NRCAM: variants seen among roughly 807,000 people sequenced by gnomAD.
NRCAM encodes neuronal cell adhesion molecule.
NRCAM carries 83 observed loss-of-function variants against 156.5 expected under a neutral mutation model. The observed-to-expected ratio is 0.53, with a 90% CI of 0.44 to 0.64. NRCAM has a LOEUF of 0.64. Ranked by LOEUF, NRCAM falls within the 30% of genes least tolerant of loss-of-function variation. The probability of loss-of-function intolerance (pLI) is 0.00; values close to 1 mark genes in which losing one functional copy is unlikely to be tolerated. For missense variants in NRCAM, 1,417 were observed against 1,597.3 expected (o/e 0.89, Z 1.92); for synonymous variants, 538 against 563.9 (o/e 0.95, Z 0.65).
intron 14 of NRCAM, among the ~76,000 whole-genome samples, chr7:108,197,366 T>A (rs1161304364): frequency 2.6e-5 from 4 of 152,204 alleles, no homozygotes; most frequent in Admixed American, 2.6e-4. Flanking sequence ...GGCTGAAGTA[T>A]AATTCCCAGG....
At chr7:108,186,595 G>A (rs1422737366) in intron 20 of NRCAM, among the ~76,000 whole-genome samples, 4 of 151,914 alleles carry the variant, frequency 2.6e-5, no homozygotes, top group South Asian at 2.1e-4. Context: ...AAACTTTCTC[G>A]GTTCATGGTG....
intron 28 of NRCAM, among the ~76,000 whole-genome samples, chr7:108,174,812 G>C (rs1223252895): frequency 6.6e-6 from 1 of 152,238 alleles, no homozygotes; most frequent in Non-Finnish European, 1.5e-5. Flanking sequence ...GGGAGACTTA[G>C]TCCCAAACCA....
At chr7:108,195,588 C>T (rs969646766) in intron 15 of NRCAM, among the ~76,000 whole-genome samples, 173 bp downstream of exon 15, 5 of 151,720 alleles carry the variant, frequency 3.3e-5, no homozygotes, top group African/African-American at 1.2e-4. Context: ...TGCACTCCAG[C>T]CTGGGTAATG....
At chr7:108,245,870 A>C (rs1478756395) in intron 3 of NRCAM, among the ~76,000 whole-genome samples, 1 of 152,230 alleles carries the variant, frequency 6.6e-6, no homozygotes, top group Non-Finnish European at 1.5e-5. Flanking sequence ...TTTACTTAGC[A>C]CAGCAGTAAC....
chr7:108,238,884 T>C lies in NRCAM; in HGVS notation c.106+1075A>G, dbSNP rs114004976. On this transcript the variant is annotated intron_variant, in intron 4 of 32. Transcript: ENST00000379028. ...AGTGTGGGACAAACCACATCTCTTC[T>C]TAATGTCTTCCCACTGGCAGTTGCA... Among the ~76,000 whole-genome samples the C allele has an allele frequency of 4.7e-3, 708 of 152,118 alleles. 10 individuals are homozygous for C. The highest frequency in any genetic ancestry group is 0.016 in the African/African-American group (681 of 41,522).
intron 2 of NRCAM, among the ~76,000 whole-genome samples, chr7:108,390,057 A>C (rs2099754592): frequency 6.6e-6 from 1 of 152,184 alleles, no homozygotes; most frequent in South Asian, 2.1e-4. Context: ...TATCAGGATG[A>C]TGCTGGCCTC....
chr7:108,353,170 C>T (rs2154297251), intron 2 of NRCAM, among the ~76,000 whole-genome samples: 2 of 152,230 alleles, frequency 1.3e-5, no homozygotes, highest in South Asian at 4.1e-4. Context: ...TAACAACCTC[C>T]TAGCTGCTTC....
intron 11 of NRCAM, among the ~76,000 whole-genome samples, chr7:108,214,289 A>T (rs150329883): frequency 0.035 from 5,269 of 152,238 alleles, 133 homozygotes; most frequent in Middle Eastern, 0.054. Context: ...TTATTGGTCT[A>T]TTCAGGGATT....
At chr7:108,159,237 C>T (rs768669600) in intron 32 of NRCAM, 15 of 692,892 alleles carry the variant, frequency 2.2e-5, no homozygotes, top group South Asian at 1.4e-4. Context: ...AAGTGGGAGA[C>T]ATTCCATCTC....
At chr7:108,191,453 A>C (rs921669114) in intron 18 of NRCAM, among the ~76,000 whole-genome samples, 170 bp from the exon 19 acceptor site, 14 of 152,186 alleles carry the variant, frequency 9.2e-5, no homozygotes, top group East Asian at 1.9e-4. Flanking sequence ...AGGAAAAAAA[A>C]CCTTCAATTT....
chr7:108,424,394 C>T (rs1024641351), intron 1 of NRCAM, among the ~76,000 whole-genome samples: 1 of 152,274 alleles, frequency 6.6e-6, no homozygotes, highest in Middle Eastern at 3.4e-3. Context: ...GAAGGGAAGT[C>T]GGTCAGAGGT....
intron 3 of NRCAM, among the ~76,000 whole-genome samples, chr7:108,283,705 T>C (rs1014228520): frequency 2.6e-5 from 4 of 152,204 alleles, no homozygotes; most frequent in Admixed American, 2.6e-4. Context: ...GTTGACCCCT[T>C]GCTACCTTCT....
At chr7:108,427,511 C>G (rs1818863747) in intron 1 of NRCAM, among the ~76,000 whole-genome samples, 1 of 152,162 alleles carries the variant, frequency 6.6e-6, no homozygotes, top group Non-Finnish European at 1.5e-5. Context: ...ACAATTTATT[C>G]TCTCCAATGG....
At position 108,256,791 on chromosome 7, in the gene NRCAM, G is replaced by A. The variant is rs118056460; in HGVS notation, c.-106-16621C>T. ...AGCACCTTGGGAGGCCAAGGCGGGC[G>A]GATTACTTGAGATCAGGAGTTTGAG... On this transcript the variant is annotated intron_variant, in intron 3 of 32. Transcript: ENST00000379028. 8.2e-3 allele frequency among the ~76,000 whole-genome samples: 1,251 copies of A among 152,152 alleles called. 9 individuals carry two copies. The highest frequency in any genetic ancestry group is 0.013 in the Non-Finnish European group (894 of 68,000).
intron 32 of NRCAM, among the ~76,000 whole-genome samples, chr7:108,152,358 C>T (rs1329976880): frequency 1.3e-5 from 2 of 151,312 alleles, no homozygotes; most frequent in South Asian, 4.2e-4. Context: ...ATAAATGTCT[C>T]GGGGTGAGGG....
At chr7:108,297,313 T>C (rs1399914334) in intron 3 of NRCAM, among the ~76,000 whole-genome samples, 3 of 152,246 alleles carry the variant, frequency 2.0e-5, no homozygotes, top group East Asian at 1.9e-4. Flanking sequence ...TTTCCAACTC[T>C]ACCTCCGCAT....
chr7:108,176,667 T>C (rs1207742380), intron 26 of NRCAM, 61 bp from the exon 27 acceptor site: 2 of 1,245,342 alleles, frequency 1.6e-6, no homozygotes, highest in Non-Finnish European at 2.2e-6. Context: ...AATACTATTA[T>C]AAATAAATAC....
At chr7:108,150,244 A>G (rs1415688732) in intron 32 of NRCAM, 97 bp from the exon 33 acceptor site, 4 of 994,768 alleles carry the variant, frequency 4.0e-6, no homozygotes, top group Non-Finnish European at 6.0e-6. Context: ...AAGCATTTGG[A>G]GTCCTGGGCT....
At chr7:108,267,393 A>G (rs542471532) in intron 3 of NRCAM, among the ~76,000 whole-genome samples, 4 of 152,316 alleles carry the variant, frequency 2.6e-5, no homozygotes, top group Admixed American at 2.0e-4. Context: ...TGCTCCCTCA[A>G]TAGGCAACCA....
Sources: allele counts gnomAD v4.1 joint callset (sites outside exome capture counted in the v4.1 genomes callset), GRCh38; gene constraint gnomAD v4.1.1; transcripts MANE v1.5; gene names NCBI Gene and HGNC (gene_info 2026-07-23, HGNC 2026-07-21).